Variants in LTBP1 observed in about 807,000 individuals in gnomAD.
LTBP1 encodes latent-transforming growth factor beta-binding protein 1.
A neutral mutation model predicts 207.6 loss-of-function variants in LTBP1; 129 were observed. That is an observed-to-expected ratio of 0.62 (90% CI 0.54 to 0.72). The LOEUF is 0.72. Ranked by LOEUF, LTBP1 falls within the 30% of genes least tolerant of loss-of-function variation. LTBP1 has a pLI of 0.00. For missense variants in LTBP1, 2,281 were observed against 2,217.2 expected (o/e 1.03, Z -0.58); for synonymous variants, 963 against 833.7 (o/e 1.16, Z -2.67).
At chr2:33,347,117 C>CAAAA (rs775058448) in intron 25 of LTBP1, among the ~76,000 whole-genome samples, 1,191 of 51,936 alleles carry the variant, frequency 0.023, 58 homozygotes, top group African/African-American at 0.08. Flanking sequence ...GACTCCGTCT[C>CAAAA]AAAAAAAAAA....
chr2:33,139,006 C>T (rs1459542676), intron 5 of LTBP1, among the ~76,000 whole-genome samples: 1 of 150,732 alleles, frequency 6.6e-6, no homozygotes, highest in Non-Finnish European at 1.5e-5. Flanking sequence ...CTACAGGCGC[C>T]CGCTACCACG....
At chr2:33,163,053 C>G (rs2084597034) in intron 5 of LTBP1, among the ~76,000 whole-genome samples, 1 of 152,238 alleles carries the variant, frequency 6.6e-6, no homozygotes, top group African/African-American at 2.4e-5. Flanking sequence ...CTGATCTCGG[C>G]TCACTGCAAC....
At chr2:33,097,474 T>C (rs1205407551) in intron 3 of LTBP1, among the ~76,000 whole-genome samples, 1 of 152,204 alleles carries the variant, frequency 6.6e-6, no homozygotes, top group Admixed American at 6.5e-5. Flanking sequence ...TTTCTGATCA[T>C]CTGTTTATGC....
chr2:33,354,728 A>ACACACACC (rs751452437), intron 26 of LTBP1, among the ~76,000 whole-genome samples: 5 of 106,742 alleles, frequency 4.7e-5, no homozygotes, highest in African/African-American at 1.6e-4. Context: ...ACACACACAC[A>ACACACACC]CCATTGTATC....
chr2:33,095,504 G>C (rs555735182), intron 3 of LTBP1, among the ~76,000 whole-genome samples: 12 of 152,234 alleles, frequency 7.9e-5, no homozygotes, highest in African/African-American at 2.6e-4. Flanking sequence ...ACATTATTTA[G>C]AGTAAGATAG....
intron 5 of LTBP1, among the ~76,000 whole-genome samples, chr2:33,136,417 T>G (rs2082147589): frequency 6.6e-6 from 1 of 152,224 alleles, no homozygotes; most frequent in Non-Finnish European, 1.5e-5. Context: ...TTGTATTTAA[T>G]GACCTCTAAA....
intron 2 of LTBP1, among the ~76,000 whole-genome samples, chr2:32,997,165 G>T (rs967215223): frequency 3.9e-5 from 6 of 152,092 alleles, no homozygotes; most frequent in Non-Finnish European, 8.8e-5. Context: ...GATTACAGGT[G>T]TGAGCTACTG....
At chr2:33,273,841 T>C (rs775758518) in intron 16 of LTBP1, 60 bp downstream of exon 16, 113 of 1,443,782 alleles carry the variant, frequency 7.8e-5, no homozygotes, top group Non-Finnish European at 9.9e-5. Context: ...ATTAAGAACA[T>C]TTTTTTCTTA....
At position 32,977,408 on chromosome 2, in the gene LTBP1, G is replaced by A. The variant is rs72867819; in HGVS notation, c.565+28463G>A. ...ACTTCAGGCAGAAACAGGACCACTGGGCGGGAAGTTGGCACTGAGCCTTGT... is the reference window on the plus strand; with the variant it reads ...ACTTCAGGCAGAAACAGGACCACTGAGCGGGAAGTTGGCACTGAGCCTTGT... On this transcript the variant is annotated intron_variant, in intron 2 of 33. Transcript: ENST00000404816. Among the ~76,000 whole-genome samples the A allele has an allele frequency of 3.8e-3, 575 of 152,306 alleles. 3 individuals carry two copies. Among genetic ancestry groups the A allele is most frequent in the African/African-American group, 0.013 (555 of 41,586 alleles).
chr2:33,348,284 T>G (rs2094731172), intron 26 of LTBP1, among the ~76,000 whole-genome samples: 1 of 152,218 alleles, frequency 6.6e-6, no homozygotes, highest in Non-Finnish European at 1.5e-5. Context: ...ATACACTTGT[T>G]CTGTGTAAAA....
intron 24 of LTBP1, among the ~76,000 whole-genome samples, chr2:33,330,762 C>CTT (rs553767860): frequency 3.0e-4 from 37 of 122,362 alleles, no homozygotes; most frequent in African/African-American, 5.0e-4. Context: ...CAGACAATAT[C>CTT]TTTTTTTTTT....
intron 19 of LTBP1, among the ~76,000 whole-genome samples, chr2:33,281,863 A>G (rs2093565018): frequency 1.3e-5 from 2 of 152,086 alleles, no homozygotes; most frequent in Admixed American, 6.5e-5. Context: ...TCAAGGTTCC[A>G]TGCGTATTCT....
intron 24 of LTBP1, among the ~76,000 whole-genome samples, chr2:33,329,558 T>G (rs2094470346): frequency 6.6e-6 from 1 of 152,106 alleles, no homozygotes; most frequent in Admixed American, 6.5e-5. Flanking sequence ...CCCCTGAAGT[T>G]TTTTTGCATA....
chr2:33,033,798 G>T (rs897086221), intron 3 of LTBP1, among the ~76,000 whole-genome samples: 1 of 152,040 alleles, frequency 6.6e-6, no homozygotes, highest in East Asian at 1.9e-4. Context: ...ATTTTTTATT[G>T]TCTGCTTTAT....
intron 5 of LTBP1, among the ~76,000 whole-genome samples, chr2:33,176,080 C>A (rs1301894094): frequency 6.6e-6 from 1 of 151,476 alleles, no homozygotes; most frequent in Admixed American, 6.6e-5. Flanking sequence ...GGGTGCAGCA[C>A]ACCAGCATGG....
At chr2:33,020,032 G>C (rs981782333) in intron 2 of LTBP1, among the ~76,000 whole-genome samples, 2 of 152,184 alleles carry the variant, frequency 1.3e-5, no homozygotes, top group South Asian at 4.2e-4. Context: ...TTAAAACTCT[G>C]TTTGGTCAGG....
intron 24 of LTBP1, among the ~76,000 whole-genome samples, chr2:33,320,371 G>GA (rs1363470508): frequency 5.1e-5 from 4 of 78,456 alleles, no homozygotes; most frequent in African/African-American, 1.6e-4. Flanking sequence ...GCCTCAAAAA[G>GA]AAAAAAAAGC....
At chr2:33,214,455 C>T (rs1306791982) in intron 7 of LTBP1, among the ~76,000 whole-genome samples, 3 of 152,118 alleles carry the variant, frequency 2.0e-5, no homozygotes, top group East Asian at 1.9e-4. Flanking sequence ...TCTGCGTGTA[C>T]GTGCCTGTGC....
chr2:32,960,970 C>T (rs1307197186), intron 2 of LTBP1, among the ~76,000 whole-genome samples: 1 of 152,000 alleles, frequency 6.6e-6, no homozygotes, highest in Non-Finnish European at 1.5e-5. Context: ...GGGGACTGTA[C>T]AACACAAGCA....
Sources: allele counts gnomAD v4.1 joint callset (sites outside exome capture counted in the v4.1 genomes callset), GRCh38; gene constraint gnomAD v4.1.1; transcripts MANE v1.5; gene names NCBI Gene and HGNC (gene_info 2026-07-23, HGNC 2026-07-21).